The following GPHN variants were observed in gnomAD, a reference collection of about 807,000 sequenced individuals.
GPHN encodes gephyrin.
GPHN carries 17 observed loss-of-function variants against 95.5 expected under a neutral mutation model. That is an observed-to-expected ratio of 0.18 (90% CI 0.12 to 0.27). The LOEUF is 0.27. GPHN is among the 10% of genes least tolerant of loss of function. The probability of loss-of-function intolerance (pLI) is 1.00; values close to 1 mark genes in which losing one functional copy is unlikely to be tolerated. For missense variants in GPHN, 660 were observed against 978.1 expected (o/e 0.67, Z 4.34); for synonymous variants, 320 against 322.5 (o/e 0.99, Z 0.08).
chr14:67,335,593 A>G, the GPHN span: 1 of 152,644 alleles, frequency 6.6e-6, no homozygotes, highest in Admixed American at 6.5e-5. Flanking sequence ...TCCTTTTCTC[A>G]TGGCCTAAGA....
intron 2 of GPHN, among the ~76,000 whole-genome samples, chr14:66,697,040 A>G (rs2068148182): frequency 6.6e-6 from 1 of 152,198 alleles, no homozygotes; most frequent in Admixed American, 6.5e-5. Flanking sequence ...CTGTTTATAA[A>G]CAAAATTTCT....
the GPHN span, among the ~76,000 whole-genome samples, chr14:67,697,271 C>G: frequency 1.2e-4 from 18 of 152,114 alleles, no homozygotes; most frequent in Non-Finnish European, 2.2e-4. Flanking sequence ...GGAGCTTTTA[C>G]AAGGGAGAGG....
At chr14:67,002,643 G>A (rs1347837893) in intron 9 of GPHN, among the ~76,000 whole-genome samples, 1 of 151,244 alleles carries the variant, frequency 6.6e-6, no homozygotes, top group Non-Finnish European at 1.5e-5. Flanking sequence ...GTGACCTTAA[G>A]CAAGTTAACT....
At chr14:67,114,010 AACCCATCATTATTTTTAATTTCTTG>A in intron 16 of GPHN, among the ~76,000 whole-genome samples, 1 of 152,322 alleles carries the variant, frequency 6.6e-6, no homozygotes, top group South Asian at 2.1e-4. Flanking sequence ...TCTGAAAATA[AACCCATCATTATTTTTAATTTCTTG>A]AAGTCTTGGA....
intron 2 of GPHN, among the ~76,000 whole-genome samples, chr14:66,688,461 A>G (rs901529674): frequency 6.6e-6 from 1 of 152,234 alleles, no homozygotes; most frequent in African/African-American, 2.4e-5. Flanking sequence ...TGTAGCTGCC[A>G]TAAAATGGAT....
the GPHN span, among the ~76,000 whole-genome samples, chr14:67,518,650 T>C: frequency 6.6e-6 from 1 of 152,246 alleles, no homozygotes; most frequent in South Asian, 2.1e-4. Context: ...GCAAGAACTG[T>C]TCTGCCCTTC....
chr14:66,980,579 T>C (rs981641759), intron 9 of GPHN, among the ~76,000 whole-genome samples: 1 of 152,152 alleles, frequency 6.6e-6, no homozygotes, highest in Non-Finnish European at 1.5e-5. Context: ...CAGGAAATAA[T>C]TTATATAAAG....
intron 1 of GPHN, among the ~76,000 whole-genome samples, chr14:66,581,806 C>A (rs1463913720): frequency 6.6e-6 from 1 of 151,760 alleles, no homozygotes; most frequent in Non-Finnish European, 1.5e-5. Context: ...CAGAAAAGGT[C>A]ATATAATGTA....
the GPHN span, among the ~76,000 whole-genome samples, chr14:67,550,552 C>T: frequency 6.6e-6 from 1 of 152,256 alleles, no homozygotes; most frequent in African/African-American, 2.4e-5. Context: ...GGGTTGCAAA[C>T]TCAAATGTTT....
chr14:67,408,923 G>C, the GPHN span, among the ~76,000 whole-genome samples: 2 of 151,458 alleles, frequency 1.3e-5, no homozygotes, highest in Admixed American at 1.3e-4. Flanking sequence ...CAGTTTTTTC[G>C]CCACATAAAT....
chr14:67,280,638 T>G, the GPHN span, among the ~76,000 whole-genome samples: 1 of 152,156 alleles, frequency 6.6e-6, no homozygotes. Flanking sequence ...CACAAAATGG[T>G]TTGAATGGAA....
chr14:66,509,825 A>G (rs2057968667), intron 1 of GPHN, among the ~76,000 whole-genome samples: 1 of 152,120 alleles, frequency 6.6e-6, no homozygotes, highest in African/African-American at 2.4e-5. Flanking sequence ...AAATTGAATA[A>G]GACTTGCTTT....
intron 1 of GPHN, among the ~76,000 whole-genome samples, chr14:66,651,576 A>G (rs936155039): frequency 4.6e-5 from 7 of 152,292 alleles, no homozygotes; most frequent in Admixed American, 3.3e-4. Flanking sequence ...TGTCCTTGCT[A>G]GAAGAGGATC....
chr14:67,396,678 C>T, the GPHN span, among the ~76,000 whole-genome samples: 1 of 152,244 alleles, frequency 6.6e-6, no homozygotes, highest in African/African-American at 2.4e-5. Context: ...CTCCTTGTTC[C>T]ATCTTTGCCC....
At chr14:67,135,518 A>T (rs1419336101) in intron 17 of GPHN, among the ~76,000 whole-genome samples, 1 of 152,120 alleles carries the variant, frequency 6.6e-6, no homozygotes, top group Non-Finnish European at 1.5e-5. Context: ...ATGTTAATTT[A>T]CTATTTTCTA....
At chr14:66,996,168 C>A in intron 9 of GPHN, 1 of 1,531,332 alleles carries the variant, frequency 6.5e-7, no homozygotes, top group Non-Finnish European at 8.7e-7. Flanking sequence ...TTCCCCACTG[C>A]AAAACCAGGC....
Position 66,672,062 on chromosome 14 carries a change from T to G in GPHN, c.65-9045T>G, listed in dbSNP as rs112544375. ...TTATTAATTTTAAATCTTTCTTCTT[T>G]TCTAATATATGCATTCAATGTTATA... On this transcript the variant is annotated intron_variant, in intron 1 of 22. Transcript: ENST00000478722. Among the ~76,000 whole-genome samples the G allele has an allele frequency of 3.6e-3, 555 of 152,228 alleles. 12 individuals are homozygous for G. The highest frequency in any genetic ancestry group is 0.013 in the African/African-American group (529 of 41,576).
the GPHN span, among the ~76,000 whole-genome samples, chr14:67,284,012 A>G: frequency 9.9e-5 from 15 of 152,094 alleles, no homozygotes; most frequent in East Asian, 1.9e-4. Context: ...AAATTGCGCT[A>G]TTGACTTTGG....
the GPHN span, among the ~76,000 whole-genome samples, chr14:67,671,713 C>T: frequency 2.1e-3 from 314 of 152,244 alleles, 2 homozygotes; most frequent in Admixed American, 5.0e-3. Context: ...TCTCAGAGTT[C>T]TGGAGGCTGG....
Sources: allele counts gnomAD v4.1 joint callset (sites outside exome capture counted in the v4.1 genomes callset), GRCh38; gene constraint gnomAD v4.1.1; transcripts MANE v1.5; gene names NCBI Gene and HGNC (gene_info 2026-07-23, HGNC 2026-07-21).